Variants in NTM observed in about 807,000 individuals in gnomAD.
NTM encodes IgLON family member 2.
A neutral mutation model predicts 42.1 loss-of-function variants in NTM; 13 were observed. That is an observed-to-expected ratio of 0.31 (90% CI 0.20 to 0.49). NTM has a LOEUF of 0.49. NTM is among the 20% of genes least tolerant of loss of function. The probability of loss-of-function intolerance (pLI) is 0.99; values close to 1 mark genes in which losing one functional copy is unlikely to be tolerated. For synonymous variants in NTM, 187 were observed against 179.2 expected (o/e 1.04, Z -0.35); for missense variants, 373 against 452.8 (o/e 0.82, Z 1.60).
intron 2 of NTM, among the ~76,000 whole-genome samples, chr11:132,095,100 G>A (rs568086012): frequency 4.6e-5 from 7 of 152,252 alleles, no homozygotes; most frequent in South Asian, 2.1e-4. Flanking sequence ...CCTGCTCGGC[G>A]CTCCCCTCTT....
intron 2 of NTM, among the ~76,000 whole-genome samples, chr11:132,041,496 C>A (rs1237410045): frequency 2.0e-5 from 3 of 152,154 alleles, no homozygotes; most frequent in Non-Finnish European, 4.4e-5. Flanking sequence ...TTTAGTCAGT[C>A]ATACATTTTA....
At chr11:131,412,296 T>C (rs1423499300) in intron 1 of NTM, among the ~76,000 whole-genome samples, 1 of 152,134 alleles carries the variant, frequency 6.6e-6, no homozygotes, top group Admixed American at 6.5e-5. Context: ...TTTACCAGGA[T>C]AGACCAAGCC....
intron 2 of NTM, among the ~76,000 whole-genome samples, chr11:132,020,644 T>G (rs991272946): frequency 6.6e-6 from 1 of 152,118 alleles, no homozygotes; most frequent in African/African-American, 2.4e-5. Context: ...AAAAAAGGTT[T>G]TTCTGAAAAC....
intron 1 of NTM, among the ~76,000 whole-genome samples, chr11:131,575,949 A>T (rs532365446): frequency 2.6e-5 from 4 of 152,342 alleles, no homozygotes; most frequent in Admixed American, 2.6e-4. Context: ...TTCTAATACC[A>T]GGGTTAAAAT....
At chr11:132,188,659 T>A (rs2078818996) in intron 3 of NTM, among the ~76,000 whole-genome samples, 2 of 151,998 alleles carry the variant, frequency 1.3e-5, no homozygotes, top group African/African-American at 4.8e-5. Flanking sequence ...ATATGCTGTA[T>A]GTGCAATGTT....
intron 4 of NTM, among the ~76,000 whole-genome samples, chr11:132,217,356 T>TTGTG (rs1555319443): frequency 3.0e-5 from 4 of 135,238 alleles, no homozygotes; most frequent in African/African-American, 1.1e-4. Flanking sequence ...CTCTCTCTCT[T>TTGTG]TCTGTGTGTG....
intron 1 of NTM, among the ~76,000 whole-genome samples, chr11:131,730,423 A>G (rs1193756961): frequency 6.6e-6 from 1 of 152,172 alleles, no homozygotes; most frequent in African/African-American, 2.4e-5. Context: ...AATGTCTAGT[A>G]GGAAGACAAG....
chr11:131,928,172 C>A (rs2134050741), intron 2 of NTM, among the ~76,000 whole-genome samples: 1 of 152,084 alleles, frequency 6.6e-6, no homozygotes, highest in South Asian at 2.1e-4. Flanking sequence ...TAATGAGAAC[C>A]TATGCTTACA....
In NTM at chr11:131,682,724, G is replaced by T. The variant is rs141655377; in HGVS notation, c.83-228840G>T. On this transcript the variant is annotated intron_variant, in intron 1 of 8. Coordinates refer to ENST00000683400, the MANE Select transcript of NTM (RefSeq NM_001352005.2). ...TTTGCTCTCAGCGCCTCCACTGAAA[G>T]TTGCCTGCATCCATTCAGTTCTGAC... Among the ~76,000 whole-genome samples the T allele has an allele frequency of 3.3e-3, 503 of 152,270 alleles. 3 individuals carry two copies. Among genetic ancestry groups the T allele is most frequent in the African/African-American group, 0.011 (466 of 41,552 alleles).
intron 3 of NTM, among the ~76,000 whole-genome samples, chr11:132,209,049 A>T (rs2082424216): frequency 6.6e-6 from 1 of 152,144 alleles, no homozygotes; most frequent in African/African-American, 2.4e-5. Flanking sequence ...TGGGGGAAGG[A>T]GGTGGCTGGT....
chr11:132,079,069 G>A (rs1368428628), intron 2 of NTM, among the ~76,000 whole-genome samples: 2 of 152,112 alleles, frequency 1.3e-5, no homozygotes, highest in Non-Finnish European at 2.9e-5. Flanking sequence ...GCGAGCCCAC[G>A]GAAGACAAGC....
In NTM at chr11:132,016,100, A is replaced by G. The variant is rs374897434; in HGVS notation, c.167+104452A>G. ...TGTTTCTTCTCTGCCTGTTGTTGAG[A>G]GTTTTTTTTTTTCACGCAAGGGTGT... On this transcript the variant is annotated intron_variant, in intron 2 of 8. Transcript: ENST00000683400. 6.1e-5 allele frequency among the ~76,000 whole-genome samples: 9 copies of G among 147,692 alleles called. No individual in the cohort carries two copies. In the East Asian group the frequency reaches 1.6e-3, roughly 26 times the overall value.
chr11:131,698,963 T>C (rs2075779782), intron 1 of NTM, among the ~76,000 whole-genome samples: 1 of 152,194 alleles, frequency 6.6e-6, no homozygotes, highest in African/African-American at 2.4e-5. Context: ...GAATGGAGAA[T>C]TAGGGAATTA....
At chr11:131,633,261 C>T (rs1442519376) in intron 1 of NTM, among the ~76,000 whole-genome samples, 1 of 152,158 alleles carries the variant, frequency 6.6e-6, no homozygotes, top group Non-Finnish European at 1.5e-5. Context: ...CAGCAGGAAA[C>T]CAAACCTCTG....
chr11:132,060,959 C>A (rs1375359750), intron 2 of NTM, among the ~76,000 whole-genome samples: 1 of 152,174 alleles, frequency 6.6e-6, no homozygotes. Context: ...TAATGAAGAT[C>A]TAAGTGATTT....
chr11:132,089,017 CT>C (rs1365047946), intron 2 of NTM, among the ~76,000 whole-genome samples: 2 of 152,024 alleles, frequency 1.3e-5, no homozygotes, highest in African/African-American at 4.8e-5. Flanking sequence ...CAAAATTGCC[CT>C]TGTTTGATGA....
chr11:131,432,895 C>CG (rs1948796287), intron 1 of NTM, among the ~76,000 whole-genome samples: 1 of 105,912 alleles, frequency 9.4e-6, no homozygotes, highest in African/African-American at 3.7e-5. Context: ...ACTCTGTTTG[C>CG]CCAGGCTGGA....
chr11:131,770,055 G>A (rs556106878), intron 1 of NTM, among the ~76,000 whole-genome samples: 1 of 152,206 alleles, frequency 6.6e-6, no homozygotes, highest in Non-Finnish European at 1.5e-5. Context: ...AAGAGGGCCA[G>A]TGTATGTTTC....
At chr11:132,001,746 A>C (rs2069297142) in intron 2 of NTM, among the ~76,000 whole-genome samples, 2 of 151,394 alleles carry the variant, frequency 1.3e-5, no homozygotes, top group Non-Finnish European at 2.9e-5. Context: ...ACATGTATTC[A>C]AACTATATCA....
Sources: gnomAD v4.1 joint callset for allele counts (sites outside exome capture counted in the v4.1 genomes callset) on GRCh38, gnomAD v4.1.1 for gene constraint, MANE v1.5 for transcripts, NCBI Gene and HGNC (gene_info 2026-07-23, HGNC 2026-07-21) for gene names.